The following DPP6 variants were observed in gnomAD, a reference collection of about 807,000 sequenced individuals.
DPP6 encodes A-type potassium channel modulatory protein DPP6.
A neutral mutation model predicts 122.6 loss-of-function variants in DPP6; 69 were observed. The ratio of observed to expected loss-of-function variants is 0.56; its 90% confidence interval spans 0.46 to 0.69. The LOEUF (loss-of-function observed/expected upper bound fraction) is 0.69. Among genes scored for constraint, DPP6 ranks in the 30% least tolerant of loss-of-function variants. The probability of loss-of-function intolerance (pLI) is 0.00; values close to 1 mark genes in which losing one functional copy is unlikely to be tolerated. For synonymous variants in DPP6, 418 were observed against 433.1 expected (o/e 0.97, Z 0.43); for missense variants, 928 against 1,116.9 (o/e 0.83, Z 2.41).
At chr7:154,379,718 T>G (rs1813429625) in intron 1 of DPP6, among the ~76,000 whole-genome samples, 1 of 152,328 alleles carries the variant, frequency 6.6e-6, no homozygotes, top group Admixed American at 6.5e-5. Context: ...GGGGATAAGA[T>G]ATCCATAGAA....
intron 1 of DPP6, among the ~76,000 whole-genome samples, chr7:153,926,813 A>G (rs114275397): frequency 0.45 from 42,187 of 94,656 alleles, 6,191 homozygotes; most frequent in Admixed American, 0.47. Flanking sequence ...TGTAAAAAAA[A>G]GAAAAAAAAA....
intron 7 of DPP6, among the ~76,000 whole-genome samples, chr7:154,716,796 A>G (rs536225524): frequency 6.0e-5 from 9 of 149,656 alleles, no homozygotes; most frequent in African/African-American, 2.3e-4. Flanking sequence ...GTACTTATTT[A>G]ATGTGGTACA....
intron 1 of DPP6, among the ~76,000 whole-genome samples, chr7:154,193,239 G>A (rs1354604555): frequency 2.0e-5 from 3 of 152,208 alleles, no homozygotes; most frequent in Non-Finnish European, 4.4e-5. Context: ...CTGTTAGTGA[G>A]CATTACCTGT....
chr7:154,211,391 G>A (rs1476861338), intron 1 of DPP6, among the ~76,000 whole-genome samples: 2 of 152,092 alleles, frequency 1.3e-5, no homozygotes, highest in African/African-American at 2.4e-5. Flanking sequence ...GAGTCACTGG[G>A]TTTTTCCAGC....
chr7:154,102,420 C>G (rs1416254619), intron 1 of DPP6, among the ~76,000 whole-genome samples: 1 of 152,042 alleles, frequency 6.6e-6, no homozygotes, highest in East Asian at 1.9e-4. Context: ...GACTCCTGAC[C>G]TCAGGTAATC....
At chr7:154,422,573 T>C (rs1434164995) in intron 1 of DPP6, among the ~76,000 whole-genome samples, 1 of 152,040 alleles carries the variant, frequency 6.6e-6, no homozygotes, top group African/African-American at 2.4e-5. Context: ...GATGGATGGA[T>C]GGTTGAATGG....
chr7:153,963,031 C>T (rs942650242), intron 1 of DPP6, among the ~76,000 whole-genome samples: 1 of 152,170 alleles, frequency 6.6e-6, no homozygotes, highest in Non-Finnish European at 1.5e-5. Context: ...CATTTGTATT[C>T]TCTAAAGGGT....
chr7:154,442,023 T>C (rs907819532), intron 1 of DPP6, among the ~76,000 whole-genome samples: 1 of 152,248 alleles, frequency 6.6e-6, no homozygotes, highest in African/African-American at 2.4e-5. Context: ...TCAGTTTGCA[T>C]TACATCTTGC....
At chr7:154,429,360 A>C (rs1818171952) in intron 1 of DPP6, among the ~76,000 whole-genome samples, 1 of 152,008 alleles carries the variant, frequency 6.6e-6, no homozygotes. Flanking sequence ...CTACAACCCA[A>C]CCCACGTCTG....
intron 1 of DPP6, among the ~76,000 whole-genome samples, chr7:154,397,093 T>G (rs1455960440): frequency 6.6e-6 from 1 of 151,176 alleles, no homozygotes; most frequent in Non-Finnish European, 1.5e-5. Flanking sequence ...ATTAGATTTA[T>G]AAGATAAATT....
At chr7:154,126,843 A>G (rs564130638) in intron 1 of DPP6, among the ~76,000 whole-genome samples, 5 of 152,226 alleles carry the variant, frequency 3.3e-5, no homozygotes, top group Non-Finnish European at 7.4e-5. Flanking sequence ...GAATATACTC[A>G]TTTTGCTGCC....
chr7:154,241,185 A>ATGTGTGTGTGTGTGTGTG lies in DPP6; in HGVS notation c.243+188140_243+188157dup, dbSNP rs1554498771. ...GCACAGTAGGTAATTCAATATCAAT[A>ATGTGTGTGTGTGTGTGTG]TGTGTGTGTGTGTGTGTGTGTGTGT... On this transcript the variant is annotated intron_variant, in intron 1 of 25. Coordinates refer to ENST00000377770, the MANE Select transcript of DPP6 (RefSeq NM_130797.4). This position sits in a 1 kb window ranked among gnomAD's most constrained non-coding sequence, Gnocchi z 9.0. Among the ~76,000 whole-genome samples the ATGTGTGTGTGTGTGTGTG allele has an allele frequency of 1.5e-5, 2 of 136,296 alleles. No homozygotes were observed. The highest frequency in any genetic ancestry group is 5.6e-5 in the African/African-American group (2 of 35,786). The allele number at this position is 136,296 out of a possible 152,430, so 89.4% of individuals were successfully genotyped here.
chr7:154,698,683 G>T (rs1840350938), intron 7 of DPP6, among the ~76,000 whole-genome samples: 1 of 151,942 alleles, frequency 6.6e-6, no homozygotes, highest in Admixed American at 6.6e-5. Context: ...TTTTATTCTT[G>T]CTCCATTTAT....
At chr7:154,812,244 C>T (rs1799107033) in intron 16 of DPP6, among the ~76,000 whole-genome samples, 1 of 152,186 alleles carries the variant, frequency 6.6e-6, no homozygotes, top group African/African-American at 2.4e-5. Flanking sequence ...ATATAGACTT[C>T]AACATTCTTC....
chr7:153,964,620 A>G (rs1563054815), intron 1 of DPP6, among the ~76,000 whole-genome samples: 1 of 152,066 alleles, frequency 6.6e-6, no homozygotes. Flanking sequence ...CCTCACATAT[A>G]TTCCAGGAAC....
chr7:154,172,934 C>T (rs1376050307), intron 1 of DPP6, among the ~76,000 whole-genome samples: 3 of 152,084 alleles, frequency 2.0e-5, no homozygotes, highest in Non-Finnish European at 4.4e-5. Flanking sequence ...TGGTTGGAAG[C>T]TTTAACAGAA....
intron 16 of DPP6, among the ~76,000 whole-genome samples, chr7:154,849,600 C>T (rs1411134964): frequency 6.6e-6 from 1 of 152,184 alleles, no homozygotes; most frequent in Non-Finnish European, 1.5e-5. Flanking sequence ...TACAGAAGAT[C>T]ATGTCATCAG....
chr7:154,675,112 G>A (rs79940920), intron 7 of DPP6, among the ~76,000 whole-genome samples: 18,497 of 152,130 alleles, frequency 0.12, 1,224 homozygotes, highest in African/African-American at 0.16. Flanking sequence ...TTTAAATTGT[G>A]CTGTGTTTTA....
At chr7:154,639,726 T>C (rs183007094) in intron 6 of DPP6, among the ~76,000 whole-genome samples, 1 of 152,282 alleles carries the variant, frequency 6.6e-6, no homozygotes, top group Non-Finnish European at 1.5e-5. Context: ...ATCTGCCTTA[T>C]AGATGACCCC....
Sources: allele counts gnomAD v4.1 joint callset (sites outside exome capture counted in the v4.1 genomes callset), GRCh38; gene constraint gnomAD v4.1.1; non-coding constraint Gnocchi (gnomAD v3.1); transcripts MANE v1.5; gene names NCBI Gene and HGNC (gene_info 2026-07-23, HGNC 2026-07-21).